The following CBLB variants were observed in gnomAD, a reference collection of about 807,000 sequenced individuals.
CBLB encodes the protein Cbl proto-oncogene B, also known as E3 ubiquitin-protein ligase CBL-B.
A neutral mutation model predicts 104.9 loss-of-function variants in CBLB; 31 were observed. The observed-to-expected ratio is 0.30, with a 90% CI of 0.22 to 0.40. The LOEUF (loss-of-function observed/expected upper bound fraction) is 0.40, where lower values mean the gene tolerates loss of function less well. Among genes scored for constraint, CBLB ranks in the 10% least tolerant of loss-of-function variants. CBLB has a pLI of 1.00. For missense variants in CBLB, 1,062 were observed against 1,214.6 expected (o/e 0.87, Z 1.87); for synonymous variants, 440 against 422.6 (o/e 1.04, Z -0.51).
chr3:105,828,825 C>T (rs1424512274), intron 3 of CBLB, among the ~76,000 whole-genome samples: 3 of 152,094 alleles, frequency 2.0e-5, no homozygotes, highest in Non-Finnish European at 4.4e-5. Context: ...GTCTAAGGAG[C>T]TCAGCCCTGA....
At chr3:105,697,409 C>A (rs886746034) in intron 12 of CBLB, among the ~76,000 whole-genome samples, 1 of 151,938 alleles carries the variant, frequency 6.6e-6, no homozygotes, top group Admixed American at 6.6e-5. Context: ...ACAGAGAAAA[C>A]AATTTTGTGA....
intron 3 of CBLB, among the ~76,000 whole-genome samples, chr3:105,834,399 G>T (rs980183324): frequency 3.3e-5 from 5 of 152,192 alleles, no homozygotes; most frequent in Non-Finnish European, 7.3e-5. Flanking sequence ...GCTCATGCCT[G>T]TAATCCCAGC....
At chr3:105,700,878 G>A (rs781008307) in intron 12 of CBLB, among the ~76,000 whole-genome samples, 13 of 152,198 alleles carry the variant, frequency 8.5e-5, no homozygotes, top group Non-Finnish European at 1.5e-4. Flanking sequence ...CTGAGTGCAA[G>A]TCACGCTTCT....
rs59294274 is a variant in CBLB, at chr3:105,809,120, C to T, written c.420-32578G>A. Among the ~76,000 whole-genome samples, 989 of 152,222 alleles carry T rather than the reference C, an allele frequency of 6.5e-3. 13 individuals are homozygous for T. The highest frequency in any genetic ancestry group is 0.023 in the African/African-American group (948 of 41,532). ...AAGATATCTGGATAAACCAATGCAA[C>T]GGAGAAACAGATAGAAGCAGACAAA... On this transcript the variant is annotated intron_variant, in intron 3 of 18. Transcript: ENST00000394030.
rs142972711 is a variant in CBLB, at chr3:105,816,353, G to A, written c.419+37061C>T. 6.1e-3 allele frequency among the ~76,000 whole-genome samples: 933 copies of A among 152,140 alleles called. 11 individuals carry two copies. The highest frequency in any genetic ancestry group is 0.021 in the African/African-American group (880 of 41,502). On this transcript the variant is annotated intron_variant, in intron 3 of 18. Coordinates refer to ENST00000394030, the MANE Select transcript of CBLB (RefSeq NM_170662.5). The stretch of plus-strand genomic sequence containing the variant: ...TGCTCCAAAATCACTTGAAACAAAC[G>A]TGTCAACTAATTTTTTCTAAACCAT...
At chr3:105,733,585 T>C (rs1042018024) in intron 9 of CBLB, among the ~76,000 whole-genome samples, 7 of 152,282 alleles carry the variant, frequency 4.6e-5, no homozygotes, top group Non-Finnish European at 7.4e-5. Flanking sequence ...CTACGGAGCA[T>C]ATGTGAGACA....
chr3:105,856,546 T>C (rs180750698), intron 2 of CBLB, among the ~76,000 whole-genome samples: 3 of 152,226 alleles, frequency 2.0e-5, no homozygotes, highest in African/African-American at 7.2e-5. Context: ...TAAAGCAGAA[T>C]TGCTGAGTAC....
intron 5 of CBLB, among the ~76,000 whole-genome samples, chr3:105,750,655 T>G (rs2076519211): frequency 6.6e-6 from 1 of 152,152 alleles, no homozygotes; most frequent in African/African-American, 2.4e-5. Flanking sequence ...AAATTTCAAG[T>G]CTTCATGTTT....
intron 18 of CBLB, among the ~76,000 whole-genome samples, chr3:105,659,878 G>A (rs1035488313): frequency 6.6e-6 from 1 of 152,084 alleles, no homozygotes; most frequent in African/African-American, 2.4e-5. Flanking sequence ...CTGAACGGAA[G>A]GAAACTCAGT....
At chr3:105,864,419 T>G (rs1269705909) in intron 2 of CBLB, among the ~76,000 whole-genome samples, 1 of 152,222 alleles carries the variant, frequency 6.6e-6, no homozygotes, top group African/African-American at 2.4e-5. Flanking sequence ...CATTTCATTC[T>G]GGCGCACTTG....
chr3:105,689,323 T>C (rs2067383228), intron 13 of CBLB, among the ~76,000 whole-genome samples: 1 of 151,392 alleles, frequency 6.6e-6, no homozygotes, highest in African/African-American at 2.4e-5. Flanking sequence ...TTTAGAAAAA[T>C]ATATATTATA....
chr3:105,704,132 G>A lies in CBLB; in HGVS notation c.1449C>T (p.Ser483=). The change falls in exon 11 of 19, where the codon TCC becomes TCT. Residue 483 remains serine, a synonymous_variant. Coordinates refer to ENST00000394030, the MANE Select transcript of CBLB (RefSeq NM_170662.5). ...GCTTTCTTCTCTGGGCAAGGGGAGA[G>A]GATCCTGGTGATGTGACTGGTGAGT... is the stretch of plus-strand genomic sequence containing the variant. ...RQNSPVTSPG[S]SPLAQRRKPQ... 6.2e-7 allele frequency: 1 copy of A among 1,614,166 alleles called. No individual in the cohort carries two copies. Among genetic ancestry groups the A allele is most frequent in the Non-Finnish European group, 8.5e-7 (1 of 1,180,018 alleles).
intron 8 of CBLB, among the ~76,000 whole-genome samples, chr3:105,734,391 T>C (rs1264183065): frequency 6.6e-6 from 1 of 152,188 alleles, no homozygotes; most frequent in East Asian, 1.9e-4. Flanking sequence ...TTAAGGTTCC[T>C]TTACTGTTCC....
At position 105,776,476 on chromosome 3, in the gene CBLB, G is replaced by T. The variant is rs201884759; in HGVS notation, c.486C>A (p.Pro162=). The part of the protein sequence containing the change: ...HMLAEIKAIF[P]NGQFQGDNFR... ...AGTTATCTCCCTGGAATTGACCATT[G>T]GGAAAGATTGCTTTGATTTCTGCCA... The change falls in exon 4 of 19, where the codon CCC becomes CCA. Residue 162 remains proline (P), a synonymous_variant. Coordinates refer to ENST00000394030, the MANE Select transcript of CBLB (RefSeq NM_170662.5). 7.0e-5 allele frequency: 113 copies of T among 1,613,658 alleles called. 1 individual carries two copies. The highest frequency in any genetic ancestry group is 6.6e-4 in the Middle Eastern group (4 of 6,058).
At chr3:105,772,761 A>C (rs564227024) in intron 4 of CBLB, among the ~76,000 whole-genome samples, 1 of 152,370 alleles carries the variant, frequency 6.6e-6, no homozygotes, top group East Asian at 1.9e-4. Context: ...AAACATATGA[A>C]AAAATGCTCA....
chr3:105,767,312 G>T (rs2078329742), intron 4 of CBLB, among the ~76,000 whole-genome samples: 1 of 151,902 alleles, frequency 6.6e-6, no homozygotes. Context: ...TATGCTAGAA[G>T]AATATATATC....
intron 17 of CBLB, chr3:105,673,842 A>T (rs2065331092): frequency 6.6e-6 from 1 of 152,222 alleles, no homozygotes; most frequent in African/African-American, 2.4e-5. Flanking sequence ...CTTCTTTCCC[A>T]AATACTGTAA....
In CBLB at chr3:105,868,905, C is replaced by A. The variant is rs1287323572; in HGVS notation, c.-184G>T. Reference sequence around the variant, plus strand: ...AGGCCTCCGAGACGTGGAAACGCAACAATTACCGTCAAGACAAATCCACAC... The same window carrying A: ...AGGCCTCCGAGACGTGGAAACGCAAAAATTACCGTCAAGACAAATCCACAC... On this transcript the variant is annotated 5_prime_UTR_variant, in exon 1 of 19. Transcript: ENST00000394030. The A allele has an allele frequency of 2.0e-6, 2 of 1,007,408 alleles. No individual in the cohort carries two copies. The highest frequency in any genetic ancestry group is 4.9e-4 in the Middle Eastern group (1 of 2,024). 62.4% of individuals were successfully genotyped at this position (1,007,408 alleles called of 1,614,324 possible).
At chr3:105,827,803 T>G (rs899093320) in intron 3 of CBLB, among the ~76,000 whole-genome samples, 2 of 152,220 alleles carry the variant, frequency 1.3e-5, no homozygotes, top group Non-Finnish European at 2.9e-5. Context: ...ATAAAAGCAG[T>G]ATTAGCATGA....
Sources: gnomAD v4.1 joint callset for allele counts (sites outside exome capture counted in the v4.1 genomes callset) on GRCh38, gnomAD v4.1.1 for gene constraint, MANE v1.5 for transcripts, NCBI Gene and HGNC (gene_info 2026-07-23, HGNC 2026-07-21) for gene names.